The following TG variants were observed in gnomAD, a reference collection of about 807,000 sequenced individuals.
The protein encoded by TG is thyroglobulin.
A neutral mutation model predicts 324.7 loss-of-function variants in TG; 270 were observed. That is an observed-to-expected ratio of 0.83 (90% confidence interval 0.75 to 0.92). The LOEUF is 0.92. TG is among the 40% of genes least tolerant of loss of function. TG has a pLI of 0.00. For synonymous variants in TG, 1,401 were observed against 1,327.0 expected, an observed-to-expected ratio of 1.06 and a Z score of -1.21; for missense variants, 3,591 against 3,456.4, an observed-to-expected ratio of 1.04 and a Z score of -0.98.
intron 45 of TG, among the ~76,000 whole-genome samples, chr8:133,118,347 CG>C (rs1588134502): frequency 4.0e-5 from 4 of 99,032 alleles, no homozygotes; most frequent in South Asian, 3.1e-4. Flanking sequence ...TTTTTTTTGA[CG>C]GGGTCTCCCT....
intron 34 of TG, among the ~76,000 whole-genome samples, chr8:132,979,428 A>G (rs2130642604): frequency 6.6e-6 from 1 of 152,314 alleles, no homozygotes; most frequent in Admixed American, 6.5e-5. Flanking sequence ...AAGAATCTGG[A>G]AAGGAAATGA....
chr8:133,046,699 C>T (rs1474984373), intron 41 of TG: 2 of 152,210 alleles, frequency 1.3e-5, no homozygotes, highest in Non-Finnish European at 2.9e-5. Flanking sequence ...TCGGGGCATC[C>T]TGCCTCCGGG....
intron 10 of TG, among the ~76,000 whole-genome samples, chr8:132,891,451 C>G (rs575250121): frequency 1.3e-5 from 2 of 152,190 alleles, no homozygotes; most frequent in Non-Finnish European, 2.9e-5. Context: ...CCTCCCACCT[C>G]AGCTTCTCAA....
chr8:133,050,923 A>T, intron 41 of TG: 1 of 1,589,644 alleles, frequency 6.3e-7, no homozygotes. Flanking sequence ...GTCCTGGGGA[A>T]ACAAAGGCAA....
intron 31 of TG, among the ~76,000 whole-genome samples, chr8:132,968,670 C>T (rs1829005014): frequency 6.6e-6 from 1 of 152,196 alleles, no homozygotes; most frequent in African/African-American, 2.4e-5. Flanking sequence ...GTGGTGGGAA[C>T]TTGTTGACTC....
chr8:133,067,116 G>T (rs1392065535), intron 41 of TG, among the ~76,000 whole-genome samples: 1 of 152,170 alleles, frequency 6.6e-6, no homozygotes, highest in Non-Finnish European at 1.5e-5. Context: ...CAGGGGCTTA[G>T]CATCCGGTGG....
chr8:133,006,367 C>A (rs1381197458), intron 35 of TG, among the ~76,000 whole-genome samples: 1 of 152,236 alleles, frequency 6.6e-6, no homozygotes, highest in Non-Finnish European at 1.5e-5. Flanking sequence ...GAGGCCCCAG[C>A]TCTTTGAAGT....
intron 24 of TG, among the ~76,000 whole-genome samples, chr8:132,934,973 C>G (rs569162530): frequency 5.9e-5 from 9 of 152,150 alleles, no homozygotes; most frequent in African/African-American, 1.9e-4. Flanking sequence ...ATAGCCAGCT[C>G]CAGCCTCTCT....
intron 35 of TG, among the ~76,000 whole-genome samples, chr8:132,985,447 T>G (rs1380166564): frequency 3.3e-5 from 5 of 152,332 alleles, no homozygotes; most frequent in Admixed American, 6.5e-5. Flanking sequence ...GACTGTTCAC[T>G]TCTTGCCTTG....
chr8:133,130,698 T>C (rs543270321), intron 45 of TG, among the ~76,000 whole-genome samples: 6 of 152,202 alleles, frequency 3.9e-5, no homozygotes, highest in South Asian at 4.1e-4. Flanking sequence ...TTCAGTCCAC[T>C]AAGATCGATC....
Position 133,095,162 on chromosome 8 carries a change from G to A in TG, c.7358G>A (p.Cys2453Tyr), listed in dbSNP as rs757056280. The A allele has an allele frequency of 1.3e-5, 21 of 1,614,122 alleles. No individual in the cohort carries two copies. The highest frequency in any genetic ancestry group is 1.7e-5 in the Non-Finnish European group (20 of 1,180,048). ...PMSSSQEVVS[C>Y]LRQKPANVLN... is the part of the protein sequence containing the mutation. ...TCATCCAGCCAAGAAGTGGTGTCCT[G>A]CCTCCGCCAGAAGCCTGCCAATGTC... is the stretch of plus-strand genomic sequence containing the variant. The change falls in exon 42 of 48, where the codon TGC becomes TAC. Residue 2453 changes from cysteine (C) to tyrosine (Y), a missense_variant. Coordinates refer to ENST00000220616, the MANE Select transcript of TG (RefSeq NM_003235.5).
chr8:132,926,300 C>T (rs1821857701), intron 22 of TG, among the ~76,000 whole-genome samples: 1 of 152,212 alleles, frequency 6.6e-6, no homozygotes, highest in African/African-American at 2.4e-5. Context: ...GCCATACCTG[C>T]CTAACTCATC....
chr8:133,089,122 AC>A (rs1847090966), intron 41 of TG, among the ~76,000 whole-genome samples: 1 of 151,984 alleles, frequency 6.6e-6, no homozygotes, highest in African/African-American at 2.4e-5. Context: ...GTCACACACT[AC>A]CCCTTTATCC....
chr8:132,870,851 TC>T (rs1839421805), intron 3 of TG, among the ~76,000 whole-genome samples: 1 of 152,042 alleles, frequency 6.6e-6, no homozygotes, highest in African/African-American at 2.4e-5. Context: ...TGGAACTCAC[TC>T]ACTCCGAGGG....
At chr8:132,967,054 C>T (rs1442990416) in intron 30 of TG, among the ~76,000 whole-genome samples, 1 of 151,270 alleles carries the variant, frequency 6.6e-6, no homozygotes, top group Non-Finnish European at 1.5e-5. Context: ...ATCCATCCAT[C>T]CATCCATCCA....
chr8:133,023,311 T>A (rs1338332216), intron 40 of TG, among the ~76,000 whole-genome samples: 1 of 107,416 alleles, frequency 9.3e-6, no homozygotes, highest in Admixed American at 8.7e-5. Context: ...GATTTCAGAT[T>A]TTTTTTGATG....
intron 34 of TG, 136 bp from the exon 35 acceptor site, chr8:132,983,214 G>A (rs13263087): frequency 0.13 from 115,533 of 891,684 alleles, 8,357 homozygotes; most frequent in East Asian, 0.19. Flanking sequence ...CACCCTGACC[G>A]ATACAGGTTG....
intron 10 of TG, among the ~76,000 whole-genome samples, chr8:132,889,943 A>AT (rs566763602): frequency 0.011 from 1,678 of 148,830 alleles, 22 homozygotes; most frequent in African/African-American, 0.03. Context: ...CACCCAGCTA[A>AT]TTTTTTTTTT....
intron 5 of TG, 78 bp from the exon 6 acceptor site, chr8:132,881,785 G>A: frequency 1.0e-6 from 1 of 996,870 alleles, no homozygotes; most frequent in Non-Finnish European, 1.6e-6. Context: ...CGTGGACTTG[G>A]CCACATTTAT....
Sources: gnomAD v4.1 joint callset for allele counts (sites outside exome capture counted in the v4.1 genomes callset) on GRCh38, gnomAD v4.1.1 for gene constraint, MANE v1.5 for transcripts, NCBI Gene and HGNC (gene_info 2026-07-23, HGNC 2026-07-21) for gene names.